Variants in FOXO1 observed in about 807,000 individuals in gnomAD.
FOXO1 encodes forkhead box O1.
In FOXO1, 6 loss-of-function variants were observed where a neutral mutation model predicts 44.1. That is an observed-to-expected ratio of 0.14 (90% CI 0.07 to 0.27). The LOEUF is 0.27. Ranked by LOEUF, FOXO1 falls within the 10% of genes least tolerant of loss-of-function variation. The probability of loss-of-function intolerance (pLI) is 1.00; values close to 1 mark genes in which losing one functional copy is unlikely to be tolerated. For synonymous variants in FOXO1, 380 were observed against 362.7 expected (o/e 1.05, Z -0.54); for missense variants, 737 against 888.8 (o/e 0.83, Z 2.17).
At chr13:40,559,466 G>T in intron 2 of FOXO1, 43 bp downstream of exon 2, 2 of 1,510,340 alleles carry the variant, frequency 1.3e-6, no homozygotes, top group Non-Finnish European at 8.9e-7. Context: ...TCGCTTTTAA[G>T]TTCTATTTTT....
chr13:40,561,116 G>A (rs906970544), intron 1 of FOXO1, among the ~76,000 whole-genome samples: 1 of 152,088 alleles, frequency 6.6e-6, no homozygotes, highest in Non-Finnish European at 1.5e-5. Context: ...ACTTTGCGAG[G>A]CCCAGGCAAG....
At chr13:40,655,398 T>C (rs989412510) in intron 1 of FOXO1, among the ~76,000 whole-genome samples, 1 of 151,008 alleles carries the variant, frequency 6.6e-6, no homozygotes, top group African/African-American at 2.4e-5. Flanking sequence ...TATTGTTTCC[T>C]AGTTGGTTTT....
intron 1 of FOXO1, among the ~76,000 whole-genome samples, chr13:40,626,033 G>A (rs914771291): frequency 3.9e-5 from 6 of 151,922 alleles, no homozygotes; most frequent in African/African-American, 9.7e-5. Context: ...GCCCAGGCTG[G>A]TCATGAACTC....
intron 1 of FOXO1, among the ~76,000 whole-genome samples, chr13:40,592,105 G>GT (rs1875396768): frequency 6.6e-6 from 1 of 152,138 alleles, no homozygotes; most frequent in Admixed American, 6.6e-5. Context: ...CTCACAAACT[G>GT]TGACATCTGT....
chr13:40,649,310 A>G (rs1286930279), intron 1 of FOXO1, among the ~76,000 whole-genome samples: 3 of 152,196 alleles, frequency 2.0e-5, no homozygotes, highest in African/African-American at 7.2e-5. Context: ...TATCTCTCTG[A>G]CTTAATTACT....
At chr13:40,578,650 G>A (rs1039573813) in intron 1 of FOXO1, among the ~76,000 whole-genome samples, 7 of 152,198 alleles carry the variant, frequency 4.6e-5, no homozygotes, top group South Asian at 2.1e-4. Flanking sequence ...AGCATTCTTC[G>A]GCATGTGCTC....
rs115150652 is a variant in FOXO1, at chr13:40,622,700, T to C, written c.630+42883A>G. On this transcript the variant is annotated intron_variant, in intron 1 of 2. Transcript: ENST00000379561. ...TTGCTTCAGGCTTGTCATGATGAGA[T>C]AGTACACAGAAAACACACAGCTCTA... Among the ~76,000 whole-genome samples the C allele has an allele frequency of 1.2e-3, 188 of 152,310 alleles. 1 individual carries two copies. Among genetic ancestry groups the C allele is most frequent in the African/African-American group, 4.4e-3 (182 of 41,582 alleles).
chr13:40,652,383 G>A (rs925958399), intron 1 of FOXO1, among the ~76,000 whole-genome samples: 8 of 151,724 alleles, frequency 5.3e-5, no homozygotes, highest in Admixed American at 4.6e-4. Flanking sequence ...GCTCCCCAGG[G>A]TCCGCCAACA....
chr13:40,563,399 AT>A (rs1874120851), intron 1 of FOXO1, among the ~76,000 whole-genome samples: 1 of 152,192 alleles, frequency 6.6e-6, no homozygotes, highest in Non-Finnish European at 1.5e-5. Context: ...AGAAATCCAC[AT>A]TTCAAAACGC....
chr13:40,621,974 C>T (rs560722851), intron 1 of FOXO1, among the ~76,000 whole-genome samples: 1 of 152,226 alleles, frequency 6.6e-6, no homozygotes, highest in East Asian at 1.9e-4. Context: ...GCAAGATCAT[C>T]TCAGAGAGAA....
At chr13:40,586,584 G>T (rs1320112280) in intron 1 of FOXO1, among the ~76,000 whole-genome samples, 2 of 152,158 alleles carry the variant, frequency 1.3e-5, no homozygotes, top group African/African-American at 4.8e-5. Context: ...GGGATAAAAG[G>T]TACCAAATGG....
At chr13:40,565,681 G>GT (rs1381499867) in intron 1 of FOXO1, among the ~76,000 whole-genome samples, 1 of 152,192 alleles carries the variant, frequency 6.6e-6, no homozygotes, top group Non-Finnish European at 1.5e-5. Flanking sequence ...GAACAGATTA[G>GT]TATTTCCTAC....
At chr13:40,595,004 T>C (rs993097031) in intron 1 of FOXO1, among the ~76,000 whole-genome samples, 43 of 152,214 alleles carry the variant, frequency 2.8e-4, no homozygotes, top group African/African-American at 1.0e-3. Flanking sequence ...ACTTTATATA[T>C]GCTTATTTGG....
intron 1 of FOXO1, among the ~76,000 whole-genome samples, chr13:40,643,816 A>G (rs908654898): frequency 6.6e-6 from 1 of 152,202 alleles, no homozygotes; most frequent in African/African-American, 2.4e-5. Context: ...CTATTGCTGT[A>G]TAATACAGCA....
chr13:40,664,594 C>T (rs1878155946), intron 1 of FOXO1, among the ~76,000 whole-genome samples: 1 of 152,150 alleles, frequency 6.6e-6, no homozygotes, highest in Admixed American at 6.5e-5. Flanking sequence ...GTCCTCCATG[C>T]TCAAGAATAG....
At position 40,620,188 on chromosome 13, in the gene FOXO1, T is replaced by A; in HGVS notation, c.630+45395A>T. The A allele has an allele frequency of 1.9e-6, 3 of 1,567,722 alleles. No homozygotes were observed. The South Asian group carries it at 3.3e-5, about 17-fold the overall frequency. ...AGTAGAAGAAGAATCCAGCAGATCCTCAACTGCTGTACTACGACATCCAAC... is the reference window on the plus strand; with the variant it reads ...AGTAGAAGAAGAATCCAGCAGATCCACAACTGCTGTACTACGACATCCAAC... On this transcript the variant is annotated intron_variant, in intron 1 of 2. Transcript: ENST00000379561.
intron 1 of FOXO1, among the ~76,000 whole-genome samples, chr13:40,661,908 T>C (rs1010858545): frequency 6.6e-6 from 1 of 152,102 alleles, no homozygotes; most frequent in African/African-American, 2.4e-5. Flanking sequence ...GCACGGTGGC[T>C]TACGCATGTA....
intron 1 of FOXO1, among the ~76,000 whole-genome samples, chr13:40,561,658 A>AATATAGAAT (rs1200841570): frequency 1.3e-5 from 2 of 151,862 alleles, no homozygotes; most frequent in Non-Finnish European, 2.9e-5. Flanking sequence ...AAGACAAAAG[A>AATATAGAAT]ATATAGAATA....
intron 1 of FOXO1, among the ~76,000 whole-genome samples, chr13:40,574,313 G>A (rs1421609338): frequency 4.6e-5 from 7 of 152,290 alleles, no homozygotes; most frequent in African/African-American, 1.4e-4. Flanking sequence ...AAGTCAGGGC[G>A]TGTATGTCTG....
Sources: allele counts gnomAD v4.1 joint callset (sites outside exome capture counted in the v4.1 genomes callset), GRCh38; gene constraint gnomAD v4.1.1; transcripts MANE v1.5; gene names NCBI Gene and HGNC (gene_info 2026-07-23, HGNC 2026-07-21).